Variants in SLC6A9 observed in about 807,000 individuals in gnomAD.
The protein encoded by SLC6A9 is sodium- and chloride-dependent glycine transporter 1.
Under a neutral mutation model 70.9 loss-of-function variants are expected in SLC6A9, and 31 were observed. The ratio of observed to expected loss-of-function variants is 0.44; its 90% CI spans 0.33 to 0.59. The LOEUF is 0.59. Among genes scored for constraint, SLC6A9 ranks in the 20% least tolerant of loss-of-function variants. The pLI is 0.04. For synonymous variants in SLC6A9, 310 were observed against 341.3 expected, an observed-to-expected ratio of 0.91 and a Z score of 1.01; for missense variants, 631 against 845.2, an observed-to-expected ratio of 0.75 and a Z score of 3.14.
chr1:44,001,723 CCAACT>C, intron 8 of SLC6A9, 96 bp from the exon 9 acceptor site: 2 of 897,554 alleles, frequency 2.2e-6, no homozygotes, highest in Non-Finnish European at 3.5e-6. Context: ...AAAGGCACCC[CCAACT>C]CTTTTTTTTT....
At position 44,024,236 on chromosome 1, in the gene SLC6A9, C is replaced by T. The variant is rs1230893817; in HGVS notation, c.30+12G>A. On this transcript the variant is annotated intron_variant, in intron 2 of 13. Coordinates refer to ENST00000372310, the MANE Select transcript of SLC6A9 (RefSeq NM_001024845.3). ...CTCCCGTTCCTTCCCGCAGTCTGGCCTCTGTACTCACCAGCATCCCTTTGG... is the reference window on the plus strand; with the variant it reads ...CTCCCGTTCCTTCCCGCAGTCTGGCTTCTGTACTCACCAGCATCCCTTTGG... 3 of 1,614,120 alleles carry T rather than the reference C, an allele frequency of 1.9e-6. No homozygotes were observed. The highest frequency in any genetic ancestry group is 2.5e-6 in the Non-Finnish European group (3 of 1,179,924).
chr1:44,009,624 C>CAGGTA (rs2086472041), intron 4 of SLC6A9, among the ~76,000 whole-genome samples: 1 of 152,234 alleles, frequency 6.6e-6, no homozygotes, highest in Admixed American at 6.5e-5. Flanking sequence ...CAGGCGTGAG[C>CAGGTA]CACTGTGCCT....
rs1275429908 is a variant in SLC6A9 at position 44,018,664 on chromosome 1, A to G, written c.30+5584T>C. 6.6e-6 allele frequency among the ~76,000 whole-genome samples: 1 copy of G among 151,520 alleles called. No homozygotes were observed. The highest frequency in any genetic ancestry group is 1.5e-5 in the Non-Finnish European group (1 of 67,920). On this transcript the variant is annotated intron_variant, in intron 2 of 13. Transcript: ENST00000372310. This position sits in a 1 kb window ranked among gnomAD's most constrained non-coding sequence, Gnocchi z 4.2. ...ATAAAAATAAAAAGACAGGTGGGGC[A>G]CAGTGGCTTAGGCCTGTAATGCCAG...
intron 2 of SLC6A9, among the ~76,000 whole-genome samples, chr1:44,022,170 A>G (rs1333084807): frequency 6.6e-6 from 1 of 152,230 alleles, no homozygotes; most frequent in Non-Finnish European, 1.5e-5. Flanking sequence ...CAGTCCGGGA[A>G]GCTCAGCTCA....
Position 44,018,315 on chromosome 1 carries a change from AG to A in SLC6A9, c.30+5932del, listed in dbSNP as rs1271176233. ...ACATTAAAAATTTAAAAACAGGGCC[AG>A]GTACGGTGGCTCACGCCTGTAATCC... On this transcript the variant is annotated intron_variant, in intron 2 of 13. Coordinates refer to ENST00000372310, the MANE Select transcript of SLC6A9 (RefSeq NM_001024845.3). The surrounding 1 kb of genome is among the most constrained non-coding windows in gnomAD (Gnocchi z 4.2). Among the ~76,000 whole-genome samples the A allele has an allele frequency of 6.6e-6, 1 of 152,158 alleles. No homozygotes were observed. The highest frequency in any genetic ancestry group is 1.9e-4 in the East Asian group (1 of 5,190).
chr1:44,003,506 C>A (rs2086197071), intron 5 of SLC6A9, among the ~76,000 whole-genome samples: 1 of 152,164 alleles, frequency 6.6e-6, no homozygotes, highest in South Asian at 2.1e-4. Flanking sequence ...CCTGTAATCC[C>A]AGCACTTTGG....
chr1:44,010,467 G>GGGA, intron 3 of SLC6A9: 2 of 239,182 alleles, frequency 8.4e-6, no homozygotes. Flanking sequence ...GGGGGGGGGG[G>GGGA]GGGGTTAGGT....
At chr1:44,019,574 C>A (rs1456018386) in intron 2 of SLC6A9, among the ~76,000 whole-genome samples, 1 of 152,274 alleles carries the variant, frequency 6.6e-6, no homozygotes, top group Non-Finnish European at 1.5e-5. Flanking sequence ...GGGCTCTGGG[C>A]TCTGGCTGCC....
At chr1:44,005,220 G>A (rs1367378034) in intron 5 of SLC6A9, among the ~76,000 whole-genome samples, 4 of 152,160 alleles carry the variant, frequency 2.6e-5, no homozygotes, top group African/African-American at 4.8e-5. Context: ...CACAGGGACC[G>A]CAGAGGTGAG....
In SLC6A9 at chr1:44,023,600, C is replaced by T. The variant is rs564152750; in HGVS notation, c.30+648G>A. On this transcript the variant is annotated intron_variant, in intron 2 of 13. Transcript: ENST00000372310. ...CAGAGGTTGCAGTGAGCTGAGATCA[C>T]GCCACTGCACTCTAGCCTGGGCAAC... 2.7e-3 allele frequency among the ~76,000 whole-genome samples: 417 copies of T among 152,140 alleles called. 1 individual carries two copies. The highest frequency in any genetic ancestry group is 9.4e-3 in the African/African-American group (390 of 41,494).
Position 44,000,879 on chromosome 1 carries a change from G to C in SLC6A9, c.1436-12C>G, listed in dbSNP as rs755925234. 6.2e-7 allele frequency: 1 copy of C among 1,601,320 alleles called. No homozygotes were observed. The highest frequency in any genetic ancestry group is 1.7e-5 in the Admixed American group (1 of 58,376). ...GTAGTTCCGGTGCCCTGGAGAGATG[G>C]GGGGTCAGCAGACCCGCAGGACAGA... On this transcript the variant is annotated splice_polypyrimidine_tract_variant and intron_variant, in intron 11 of 13. Transcript: ENST00000372310.
Position 43,998,034 on chromosome 1 carries a change from G to C in SLC6A9, c.1537-9C>G, listed in dbSNP as rs201085053. On this transcript the variant is annotated splice_polypyrimidine_tract_variant and intron_variant, in intron 12 of 13. Transcript: ENST00000372310. The stretch of plus-strand genomic sequence containing the variant: ...GTGAAAACTAGAATAAACTGCACGG[G>C]GCAGGTGTGGGAGTGGGCGTGAGGC... 45 of 1,605,068 alleles carry C rather than the reference G, an allele frequency of 2.8e-5. No homozygotes were observed. The highest frequency in any genetic ancestry group is 3.8e-5 in the Non-Finnish European group (45 of 1,173,906).
chr1:44,014,510 A>G (rs931420146), intron 2 of SLC6A9: 1 of 152,118 alleles, frequency 6.6e-6, no homozygotes, highest in Non-Finnish European at 1.5e-5. Flanking sequence ...CCAGTCATTG[A>G]GACAGGAGTG....
At chr1:44,015,810 T>A (rs2154306696) in intron 2 of SLC6A9, 1 of 977,130 alleles carries the variant, frequency 1.0e-6, no homozygotes, top group South Asian at 4.7e-5. Flanking sequence ...TGGCCTCAGT[T>A]ACCTGGATAT....
At position 44,013,162 on chromosome 1, in the gene SLC6A9, T is replaced by G. The variant is rs1400657275; in HGVS notation, c.31-2280A>C. Reference sequence around the variant, plus strand: ...AAAAGGGACAACTGATGGTCCAGGATGGACCCATGGGCAGGGTAAGGGCAA... The same window carrying G: ...AAAAGGGACAACTGATGGTCCAGGAGGGACCCATGGGCAGGGTAAGGGCAA... On this transcript the variant is annotated intron_variant, in intron 2 of 13. Coordinates refer to ENST00000372310, the MANE Select transcript of SLC6A9 (RefSeq NM_001024845.3). The surrounding 1 kb of genome is among the most constrained non-coding windows in gnomAD (Gnocchi z 5.3). 6.6e-6 allele frequency among the ~76,000 whole-genome samples: 1 copy of G among 152,220 alleles called. No homozygotes were observed. The highest frequency in any genetic ancestry group is 2.4e-5 in the African/African-American group (1 of 41,464).
At position 44,002,228 on chromosome 1, in the gene SLC6A9, G is replaced by A. The variant is rs1441924454; in HGVS notation, c.962+85C>T. ...AGATCATGAGGGGAAAGGAGGCCTCGTGGGCCCATGGCTGCACTGGAGCTG... is the reference window on the plus strand; with the variant it reads ...AGATCATGAGGGGAAAGGAGGCCTCATGGGCCCATGGCTGCACTGGAGCTG... On this transcript the variant is annotated intron_variant, in intron 8 of 13. Coordinates refer to ENST00000372310, the MANE Select transcript of SLC6A9 (RefSeq NM_001024845.3). This position sits in a 1 kb window ranked among gnomAD's most constrained non-coding sequence, Gnocchi z 5.5. The A allele has an allele frequency of 5.4e-6, 5 of 924,394 alleles. No individual in the cohort carries two copies. Among genetic ancestry groups the A allele is most frequent in the East Asian group, 4.9e-5 (2 of 41,100 alleles). The allele number at this position is 924,394 out of a possible 1,614,324, so 57.3% of individuals were successfully genotyped here.
chr1:44,023,698 C>T (rs2086929450), intron 2 of SLC6A9, among the ~76,000 whole-genome samples: 1 of 151,978 alleles, frequency 6.6e-6, no homozygotes, highest in Non-Finnish European at 1.5e-5. Flanking sequence ...GTCTCGTGGC[C>T]TCACCACTAC....
chr1:44,024,316 C>G lies in SLC6A9; in HGVS notation c.-39G>C, dbSNP rs758127036. On this transcript the variant is annotated 5_prime_UTR_variant, in exon 2 of 14. Transcript: ENST00000372310. Reference sequence around the variant, plus strand: ...TGGGGCTCTGGTGACGGGGACCACACTCACAGGCTCTGCTTCCAGCGCCTT... The same window carrying G: ...TGGGGCTCTGGTGACGGGGACCACAGTCACAGGCTCTGCTTCCAGCGCCTT... The G allele has an allele frequency of 6.2e-7, 1 of 1,613,380 alleles. No homozygotes were observed.
chr1:44,020,586 T>G (rs2086863032), intron 2 of SLC6A9, among the ~76,000 whole-genome samples: 1 of 152,202 alleles, frequency 6.6e-6, no homozygotes, highest in Non-Finnish European at 1.5e-5. Flanking sequence ...TTCGGTTAGG[T>G]GAGTGCCCAG....
Sources: allele counts gnomAD v4.1 joint callset (sites outside exome capture counted in the v4.1 genomes callset), GRCh38; gene constraint gnomAD v4.1.1; non-coding constraint Gnocchi (gnomAD v3.1); transcripts MANE v1.5; gene names NCBI Gene and HGNC (gene_info 2026-07-23, HGNC 2026-07-21).